Variants in MCOLN1 observed in about 807,000 individuals in gnomAD.
MCOLN1 encodes mucolipin TRP cation channel 1.
Under a neutral mutation model 70.3 loss-of-function variants are expected in MCOLN1, and 50 were observed. That is an observed-to-expected ratio of 0.71 (90% CI 0.57 to 0.90). The LOEUF (loss-of-function observed/expected upper bound fraction) is 0.90. Ranked by LOEUF, MCOLN1 falls within the 40% of genes least tolerant of loss-of-function variation. The pLI is 0.00. For synonymous variants in MCOLN1, 366 were observed against 341.0 expected, an observed-to-expected ratio of 1.07 and a Z score of -0.81; for missense variants, 598 against 803.5, an observed-to-expected ratio of 0.74 and a Z score of 3.09.
rs2022542422 is a variant in MCOLN1, at chr19:7,524,764, CAT to C, written c.32-195_32-194del. Among the ~76,000 whole-genome samples, 1 of 152,230 alleles carries C rather than the reference CAT, an allele frequency of 6.6e-6. No individual in the cohort carries two copies. The highest frequency in any genetic ancestry group is 6.5e-5 in the Admixed American group (1 of 15,280). On this transcript the variant is annotated intron_variant, in intron 1 of 13. Coordinates refer to ENST00000264079, the MANE Select transcript of MCOLN1 (RefSeq NM_020533.3). The surrounding 1 kb of genome is among the most constrained non-coding windows in gnomAD (Gnocchi z 4.1). Reference sequence around the variant, plus strand: ...GCCCTGTACCTCCCAAACCCAAACTCATAACCTCTGAGCAGGACGGGTGCATA... The same window carrying C: ...GCCCTGTACCTCCCAAACCCAAACTCAACCTCTGAGCAGGACGGGTGCATA...
In MCOLN1 at chr19:7,525,519, TCA is replaced by T; in HGVS notation, c.237+354_237+355del. ...AAAAAAAAGAAGCCGACTCTGAGGC[TCA>T]GAGAGGTTAGGAGACTTGCCCAAAG... On this transcript the variant is annotated intron_variant, in intron 2 of 13. Transcript: ENST00000264079. This position sits in a 1 kb window ranked among gnomAD's most constrained non-coding sequence, Gnocchi z 4.2. The T allele has an allele frequency of 3.1e-6, 1 of 318,298 alleles. No homozygotes were observed. The highest frequency in any genetic ancestry group is 9.0e-5 in the East Asian group (1 of 11,102). The allele number at this position is 318,298 out of a possible 1,614,324, so 19.7% of individuals were successfully genotyped here.
intron 10 of MCOLN1, 89 bp from the exon 11 acceptor site, chr19:7,529,501 G>GGGGCCCCCCC: frequency 2.7e-6 from 2 of 747,250 alleles, no homozygotes; most frequent in Non-Finnish European, 4.6e-6. Context: ...CCTCGGCAAG[G>GGGGCCCCCCC]CCCCGCCCCT....
intron 4 of MCOLN1, 72 bp from the exon 5 acceptor site, chr19:7,527,446 CCA>C: frequency 1.3e-6 from 1 of 784,330 alleles, no homozygotes; most frequent in South Asian, 1.3e-5. Context: ...GGGAAGAAGG[CCA>C]CTGGGGACTC....
Position 7,526,245 on chromosome 19 carries a change from G to T in MCOLN1, c.238-194G>T. On this transcript the variant is annotated intron_variant, in intron 2 of 13. Coordinates refer to ENST00000264079, the MANE Select transcript of MCOLN1 (RefSeq NM_020533.3). This position sits in a 1 kb window ranked among gnomAD's most constrained non-coding sequence, Gnocchi z 4.6. ...GCGTGGCATGGAGCTTATGCCAGGA[G>T]GTGGGGTGAAATTAATCAAAGCAAA... 1.5e-6 allele frequency: 1 copy of T among 682,274 alleles called. No homozygotes were observed. Among genetic ancestry groups the T allele is most frequent in the South Asian group, 1.7e-5 (1 of 59,578 alleles). The allele number at this position is 682,274 out of a possible 1,614,324, so 42.3% of individuals were successfully genotyped here.
chr19:7,526,512 T>A lies in MCOLN1; in HGVS notation c.311T>A (p.Leu104His). The change falls in exon 3 of 14, where the codon CTC (leucine) becomes CAC (histidine). Residue 104 changes from leucine (L) to histidine (H), a missense_variant. Physicochemically the swap from Leu to His is moderately conservative, Grantham distance 99. Transcript: ENST00000264079. The surrounding 1 kb of genome is among the most constrained non-coding windows in gnomAD (Gnocchi z 4.6). ...REENTIAFRH[L>H]FLLGYSDGAD... ...GAGAACACCATCGCCTTCCGACACCTCTTCCTGCTGGGCTACTCGGACGGA... is the reference window on the plus strand; with the variant it reads ...GAGAACACCATCGCCTTCCGACACCACTTCCTGCTGGGCTACTCGGACGGA... 6.2e-7 allele frequency: 1 copy of A among 1,614,206 alleles called. No homozygotes were observed. Among genetic ancestry groups the A allele is most frequent in the Non-Finnish European group, 8.5e-7 (1 of 1,180,030 alleles).
At chr19:7,529,510 C>CA in intron 10 of MCOLN1, 80 bp from the exon 11 acceptor site, 11 of 912,884 alleles carry the variant, frequency 1.2e-5, no homozygotes, top group Admixed American at 1.9e-5. Flanking sequence ...GGCCCCGCCC[C>CA]TCCCACCCCC....
In MCOLN1 at chr19:7,529,689, G is replaced by C; in HGVS notation, c.1336G>C (p.Val446Leu). ...YLGYCFCGWI[V>L]LGPYHVKFRS... Reference sequence around the variant, plus strand: ...GGGCTACTGCTTCTGTGGCTGGATCGTGCTGGGGCCCTATCATGTGAAGGT... The same window carrying C: ...GGGCTACTGCTTCTGTGGCTGGATCCTGCTGGGGCCCTATCATGTGAAGGT... The change falls in exon 11 of 14, where the codon GTG becomes CTG. Residue 446 changes from valine to leucine, a missense_variant. Around this residue, in one of 3 missense-constraint regions of MCOLN1, gnomAD observed 78 missense variants for 156.2 expected, o/e 0.50. Transcript: ENST00000264079. 1.2e-6 allele frequency: 2 copies of C among 1,614,158 alleles called. No homozygotes were observed. The highest frequency in any genetic ancestry group is 1.7e-6 in the Non-Finnish European group (2 of 1,180,000).
intron 10 of MCOLN1, 81 bp from the exon 11 acceptor site, chr19:7,529,509 C>CCCCCCCCCCCCAGGGGGGG: frequency 1.2e-6 from 1 of 816,980 alleles, no homozygotes. Context: ...AGGCCCCGCC[C>CCCCCCCCCCCCAGGGGGGG]CTCCCACCCC....
Position 7,527,647 on chromosome 19 carries a change from A to AG in MCOLN1, c.680+25dup. 2 of 1,534,920 alleles carry AG rather than the reference A, an allele frequency of 1.3e-6. No homozygotes were observed. Among genetic ancestry groups the AG allele is most frequent in the Non-Finnish European group, 1.8e-6 (2 of 1,107,802 alleles). On this transcript the variant is annotated intron_variant, in intron 5 of 13. Coordinates refer to ENST00000264079, the MANE Select transcript of MCOLN1 (RefSeq NM_020533.3). ...TCCACAAGTACTGCCTGCTCACTCG[A>AG]GGGGGGCCCAGGGTGGGGGAGGCAG...
rs2022576439 is a variant in MCOLN1 at position 7,526,767 on chromosome 19, G to T, written c.412G>T (p.Ala138Ser). The T allele has an allele frequency of 1.9e-6, 3 of 1,613,986 alleles. No individual in the cohort carries two copies. Among genetic ancestry groups the T allele is most frequent in the Non-Finnish European group, 2.5e-6 (3 of 1,180,036 alleles). ...AIFHAVDQYL[A>S]LPDVSLGRYA... ...TCCCCTTCTCTGCCCACAGTACCTG[G>T]CGTTGCCTGACGTGTCACTGGGCCG... Residue 138 changes from alanine (A) to serine (S), a missense_variant, in exon 4 of 14, where the codon GCG becomes TCG. Physicochemically the swap from Ala to Ser is moderately conservative, Grantham distance 99. Around this residue, in one of 3 missense-constraint regions of MCOLN1, gnomAD observed 461 missense variants for 588.4 expected, o/e 0.78. Transcript: ENST00000264079. The surrounding 1 kb of genome is among the most constrained non-coding windows in gnomAD (Gnocchi z 4.6).
At position 7,528,998 on chromosome 19, in the gene MCOLN1, A is replaced by T; in HGVS notation, c.1134+28A>T. On this transcript the variant is annotated intron_variant, in intron 9 of 13. Coordinates refer to ENST00000264079, the MANE Select transcript of MCOLN1 (RefSeq NM_020533.3). The surrounding 1 kb of genome is among the most constrained non-coding windows in gnomAD (Gnocchi z 4.2). The stretch of plus-strand genomic sequence containing the variant: ...GCGTCCTGCCAACACCCTGGGCCCC[A>T]GGTCCCATCCCTGCTGTCAGTGCCT... 6.2e-7 allele frequency: 1 copy of T among 1,614,014 alleles called. No individual in the cohort carries two copies.
Position 7,526,198 on chromosome 19 carries a change from A to T in MCOLN1, c.238-241A>T, listed in dbSNP as rs538373829. The T allele has an allele frequency of 4.7e-5, 28 of 592,468 alleles. No individual in the cohort carries two copies. The highest frequency in any genetic ancestry group is 8.2e-5 in the Non-Finnish European group (27 of 329,616). The allele number at this position is 592,468 out of a possible 1,614,324, so 36.7% of individuals were successfully genotyped here. ...TAGATGAGTCCCCACCCTGTGTTGT[A>T]CGGGGGAGGACACAGTGGTGGGCGT... On this transcript the variant is annotated intron_variant, in intron 2 of 13. Coordinates refer to ENST00000264079, the MANE Select transcript of MCOLN1 (RefSeq NM_020533.3). The surrounding 1 kb of genome is among the most constrained non-coding windows in gnomAD (Gnocchi z 4.6).
chr19:7,533,552 C>T lies in MCOLN1; in HGVS notation c.1605C>T (p.Ser535=), dbSNP rs1429593904. ...CCGGCGGCGCAGGCGCAGAGGAGAG[C>T]GAGCTGCAGGCCTACATCGCACAGT... ...KHPGGAGAEE[S]ELQAYIAQCQ... Residue 535 remains serine, a synonymous_variant, in exon 13 of 14, where the codon AGC becomes AGT. Transcript: ENST00000264079. 6 of 1,611,788 alleles carry T rather than the reference C, an allele frequency of 3.7e-6. No homozygotes were observed. Among genetic ancestry groups the T allele is most frequent in the Middle Eastern group, 2.0e-4 (1 of 5,074 alleles).
Position 7,528,553 on chromosome 19 carries a change from G to A in MCOLN1, c.878-44G>A. 1 of 1,612,400 alleles carries A rather than the reference G, an allele frequency of 6.2e-7. No individual in the cohort carries two copies. The highest frequency in any genetic ancestry group is 8.5e-7 in the Non-Finnish European group (1 of 1,179,616). On this transcript the variant is annotated intron_variant, in intron 7 of 13. Transcript: ENST00000264079. The surrounding 1 kb of genome is among the most constrained non-coding windows in gnomAD (Gnocchi z 4.2). ...CTGGCACCAATGCTAGCCTCCCAAG[G>A]CTCCATGCCATCCTTGGCCCTACCC... is the stretch of plus-strand genomic sequence containing the variant.
At chr19:7,533,054 C>T (rs1447569973) in intron 12 of MCOLN1, among the ~76,000 whole-genome samples, 1 of 152,248 alleles carries the variant, frequency 6.6e-6, no homozygotes, top group African/African-American at 2.4e-5. Context: ...GGGTACACCC[C>T]CTTTTCCCCA....
chr19:7,532,809 A>C (rs976674724), intron 12 of MCOLN1, among the ~76,000 whole-genome samples: 1 of 152,260 alleles, frequency 6.6e-6, no homozygotes, highest in African/African-American at 2.4e-5. Flanking sequence ...TCCAGTGCTC[A>C]AAAGCCAGTG....
In MCOLN1 at chr19:7,533,665, G is replaced by C; in HGVS notation, c.1706+12G>C. 1 of 1,613,936 alleles carries C rather than the reference G, an allele frequency of 6.2e-7. No homozygotes were observed. The highest frequency in any genetic ancestry group is 1.3e-5 in the African/African-American group (1 of 75,074). On this transcript the variant is annotated intron_variant, in intron 13 of 13. Coordinates refer to ENST00000264079, the MANE Select transcript of MCOLN1 (RefSeq NM_020533.3). ...TGCTGCTGCGGAAGGTTCGAGTCCC[G>C]GGTCTGGCACATTCAGATTGGAGGT...
chr19:7,531,690 C>CG (rs2022655043), intron 12 of MCOLN1, among the ~76,000 whole-genome samples: 1 of 151,474 alleles, frequency 6.6e-6, no homozygotes, highest in Non-Finnish European at 1.5e-5. Flanking sequence ...TTTTTTGAGA[C>CG]GGAGTCTCGC....
intron 1 of MCOLN1, 54 bp downstream of exon 1, chr19:7,522,835 C>G: frequency 7.7e-7 from 1 of 1,301,518 alleles, no homozygotes; most frequent in Non-Finnish European, 9.8e-7. Context: ...CGGGCTGTGT[C>G]TCCCACCTGG....
Sources: allele counts gnomAD v4.1 joint callset (sites outside exome capture counted in the v4.1 genomes callset), GRCh38; gene constraint gnomAD v4.1.1; regional missense constraint gnomAD v4.1.1; non-coding constraint Gnocchi (gnomAD v3.1); transcripts MANE v1.5; gene names NCBI Gene and HGNC (gene_info 2026-07-23, HGNC 2026-07-21).